GRID2IP: variants seen among roughly 807,000 people sequenced by gnomAD.
GRID2IP encodes Grid2 interacting protein.
A neutral mutation model predicts 114.3 loss-of-function variants in GRID2IP; 78 were observed. The ratio of observed to expected loss-of-function variants is 0.68; its 90% CI spans 0.57 to 0.82. GRID2IP has a LOEUF of 0.82. Among genes scored for constraint, GRID2IP ranks in the 40% least tolerant of loss-of-function variants. The pLI is 0.00. For missense variants in GRID2IP, 1,727 were observed against 1,678.5 expected, an observed-to-expected ratio of 1.03 and a Z score of -0.51; for synonymous variants, 809 against 724.0, an observed-to-expected ratio of 1.12 and a Z score of -1.89.
At chr7:6,544,429 G>A (rs1166175107) in intron 1 of GRID2IP, among the ~76,000 whole-genome samples, 3 of 151,514 alleles carry the variant, frequency 2.0e-5, no homozygotes, top group South Asian at 4.2e-4. Flanking sequence ...ACAGGCACCC[G>A]CCACCACAAC....
In GRID2IP at chr7:6,514,375, C is replaced by T. The variant is rs778275357; in HGVS notation, c.1423G>A (p.Ala475Thr). ...AAGTGGCAGGGGAGAGGACGCTTACCTGTCATGGCCGTGTAGCCCAGGAAG... is the reference window on the plus strand; with the variant it reads ...AAGTGGCAGGGGAGAGGACGCTTACTTGTCATGGCCGTGTAGCCCAGGAAG... ...ACFLGYTAMT[A>T]EPEPELDLES... The change falls in exon 8 of 22, where the codon GCA becomes ACA. Residue 475 changes from alanine to threonine, a missense_variant and splice_region_variant. By Grantham distance (58) the Ala-to-Thr change is moderately conservative. Transcript: ENST00000457091. The T allele has an allele frequency of 6.6e-6, 10 of 1,509,846 alleles. No homozygotes were observed. In the East Asian group the frequency reaches 2.2e-4, roughly 34 times the overall value. 93.5% of individuals were successfully genotyped at this position (1,509,846 alleles called of 1,614,324 possible).
intron 4 of GRID2IP, among the ~76,000 whole-genome samples, chr7:6,525,467 C>G (rs1009254721): frequency 2.6e-5 from 4 of 151,604 alleles, no homozygotes; most frequent in African/African-American, 9.7e-5. Flanking sequence ...ACCAGAAATA[C>G]AAAAAATTAG....
At chr7:6,510,069 A>G (rs979337356) in intron 11 of GRID2IP, among the ~76,000 whole-genome samples, 2 of 151,964 alleles carry the variant, frequency 1.3e-5, no homozygotes, top group African/African-American at 4.8e-5. Flanking sequence ...GGCTCCATTG[A>G]TCCTCCTGCC....
chr7:6,498,321 C>T (rs1786317054), intron 20 of GRID2IP, 93 bp from the exon 21 acceptor site: 4 of 1,272,864 alleles, frequency 3.1e-6, no homozygotes, highest in Non-Finnish European at 3.2e-6. Flanking sequence ...CAGCCCTATT[C>T]CCGGTTGGCC....
intron 2 of GRID2IP, among the ~76,000 whole-genome samples, chr7:6,531,747 G>A (rs1156431443): frequency 1.3e-5 from 2 of 152,216 alleles, no homozygotes; most frequent in Non-Finnish European, 2.9e-5. Flanking sequence ...TCTGGGAAGA[G>A]GAAGGAGCCG....
At chr7:6,517,996 C>T (rs1052920987) in intron 7 of GRID2IP, among the ~76,000 whole-genome samples, 1 of 151,462 alleles carries the variant, frequency 6.6e-6, no homozygotes, top group African/African-American at 2.4e-5. Context: ...CTTTGGAAGG[C>T]TAAAATGGGC....
At chr7:6,541,643 G>GTGGAAACGAGCGTGCAAATGCACACGT (rs1779816762) in intron 1 of GRID2IP, among the ~76,000 whole-genome samples, 1 of 152,096 alleles carries the variant, frequency 6.6e-6, no homozygotes, top group South Asian at 2.1e-4. Flanking sequence ...AATAGACATG[G>GTGGAAACGAGCGTGCAAATGCACACGT]TGGAAACGAG....
rs1779556942 is a variant in GRID2IP, at chr7:6,528,409, ACACAGCTGGCCTGTGG to A, written c.585-1656_585-1641del. Among the ~76,000 whole-genome samples, 1 of 152,194 alleles carries A rather than the reference ACACAGCTGGCCTGTGG, an allele frequency of 6.6e-6. No individual in the cohort carries two copies. Among genetic ancestry groups the A allele is most frequent in the East Asian group, 1.9e-4 (1 of 5,196 alleles). On this transcript the variant is annotated intron_variant, in intron 2 of 21. Coordinates refer to ENST00000457091, the MANE Select transcript of GRID2IP (RefSeq NM_001145118.2). The surrounding 1 kb of genome is among the most constrained non-coding windows in gnomAD (Gnocchi z 6.0). ...AGAGGACCTGTAGCTCTCCACGGTT[ACACAGCTGGCCTGTGG>A]CACAGCTGGCATCAGAGAACAGACT...
chr7:6,504,205 C>G (rs1371463238), intron 15 of GRID2IP, among the ~76,000 whole-genome samples: 3 of 139,570 alleles, frequency 2.1e-5, no homozygotes, highest in Non-Finnish European at 4.6e-5. Context: ...TGGGATTGGC[C>G]GGGGCTACTG....
rs1393447406 is a variant in GRID2IP, at chr7:6,534,364, A to G, written c.584+5354T>C. ...TCCTGTTCCCTCCTGGCCACGTCAC[A>G]CTTTCCAAACTGCCTGGCCTGTCCT... On this transcript the variant is annotated intron_variant, in intron 2 of 21. Coordinates refer to ENST00000457091, the MANE Select transcript of GRID2IP (RefSeq NM_001145118.2). This position sits in a 1 kb window ranked among gnomAD's most constrained non-coding sequence, Gnocchi z 4.5. Among the ~76,000 whole-genome samples the G allele has an allele frequency of 6.6e-6, 1 of 152,098 alleles. No individual in the cohort carries two copies. Among genetic ancestry groups the G allele is most frequent in the East Asian group, 1.9e-4 (1 of 5,194 alleles).
rs192444108 is a variant in GRID2IP at position 6,499,030 on chromosome 7, A to C, written c.3400-802T>G. ...CTGATACATGGTCAGTCTTGCAAAAAGATTCAGTGGCTGAATCGCTATCAT... is the reference window on the plus strand; with the variant it reads ...CTGATACATGGTCAGTCTTGCAAAACGATTCAGTGGCTGAATCGCTATCAT... On this transcript the variant is annotated intron_variant, in intron 20 of 21. Transcript: ENST00000457091. Among the ~76,000 whole-genome samples, 153 of 152,374 alleles carry C rather than the reference A, an allele frequency of 1.0e-3. 4 individuals carry two copies. The highest frequency in any genetic ancestry group is 3.4e-3 in the African/African-American group (141 of 41,588).
chr7:6,526,496 G>A lies in GRID2IP; in HGVS notation c.833+25C>T, dbSNP rs1242405852. Reference sequence around the variant, plus strand: ...GCCCACCCGCAGGGAGGCGCCCGCTGCCAGTGCCTGTGAGCCCCGCGTACC... The same window carrying A: ...GCCCACCCGCAGGGAGGCGCCCGCTACCAGTGCCTGTGAGCCCCGCGTACC... On this transcript the variant is annotated intron_variant, in intron 3 of 21. Transcript: ENST00000457091. This position sits in a 1 kb window ranked among gnomAD's most constrained non-coding sequence, Gnocchi z 7.6. 2.9e-6 allele frequency: 4 copies of A among 1,367,176 alleles called. No homozygotes were observed. Among genetic ancestry groups the A allele is most frequent in the African/African-American group, 1.5e-5 (1 of 66,806 alleles). The allele number at this position is 1,367,176 out of a possible 1,614,324, so 84.7% of individuals were successfully genotyped here.
chr7:6,509,007 C>G lies in GRID2IP; in HGVS notation c.2078G>C (p.Arg693Pro), dbSNP rs1481812221. The G allele has an allele frequency of 6.8e-7, 1 of 1,476,512 alleles. No individual in the cohort carries two copies. Among genetic ancestry groups the G allele is most frequent in the African/African-American group, 1.4e-5 (1 of 70,476 alleles). 91.5% of individuals were successfully genotyped at this position (1,476,512 alleles called of 1,614,324 possible). A position where few individuals can be genotyped will look rare whatever the true frequency, so the allele number is the denominator to read the frequency against. Reference sequence around the variant, plus strand: ...CAGGAAATCATCCACGATGGTGACCCGGGGGCCCAGCTGCTCGCTCAGCAC... The same window carrying G: ...CAGGAAATCATCCACGATGGTGACCGGGGGGCCCAGCTGCTCGCTCAGCAC... The part of the protein sequence containing the change: ...LDVLSEQLGP[R>P]VTIVDDFLTP... The change falls in exon 12 of 22, where the codon CGG (arginine) becomes CCG (proline). Residue 693 changes from arginine to proline, a missense_variant. Transcript: ENST00000457091. This position sits in a 1 kb window ranked among gnomAD's most constrained non-coding sequence, Gnocchi z 4.9.
rs1291517623 is a variant in GRID2IP at position 6,496,850 on chromosome 7, CCCA to C, written c.*921_*923del. The stretch of plus-strand genomic sequence containing the variant: ...ACAGTTCACACACCCTCCCTCCCTG[CCCA>C]CCACGCCACCTGCTCCTGCTCCTGG... On this transcript the variant is annotated 3_prime_UTR_variant, in exon 22 of 22. Coordinates refer to ENST00000457091, the MANE Select transcript of GRID2IP (RefSeq NM_001145118.2). Among the ~76,000 whole-genome samples, 1 of 152,024 alleles carries C rather than the reference CCCA, an allele frequency of 6.6e-6. No individual in the cohort carries two copies. Among genetic ancestry groups the C allele is most frequent in the Non-Finnish European group, 1.5e-5 (1 of 67,998 alleles).
chr7:6,535,468 C>G (rs1198331792), intron 2 of GRID2IP, among the ~76,000 whole-genome samples: 1 of 152,216 alleles, frequency 6.6e-6, no homozygotes, highest in Non-Finnish European at 1.5e-5. Flanking sequence ...GAGGCCACAC[C>G]TCTCTGATTT....
In GRID2IP at chr7:6,502,819, C is replaced by T; in HGVS notation, c.3117G>A (p.Lys1039=). 1.3e-6 allele frequency: 2 copies of T among 1,552,054 alleles called. No individual in the cohort carries two copies. Among genetic ancestry groups the T allele is most frequent in the South Asian group, 1.2e-5 (1 of 84,066 alleles). Residue 1039 remains lysine (K), a synonymous_variant, in exon 18 of 22, where the codon AAG becomes AAA. Transcript: ENST00000457091. ...YLNDGQPKTN[K]TTGFKINFLT... ...GAAAGTTGATCTTGAAGCCCGTAGT[C>T]TTGTTGGTTTTGGGCTGTCCATCGT...
intron 1 of GRID2IP, among the ~76,000 whole-genome samples, chr7:6,550,533 G>A (rs575881233): frequency 4.9e-4 from 74 of 151,860 alleles, no homozygotes; most frequent in African/African-American, 1.5e-3. Flanking sequence ...AAATTAGGCC[G>A]GGCGCAGTGG....
intron 7 of GRID2IP, among the ~76,000 whole-genome samples, chr7:6,514,930 A>G (rs1296884263): frequency 1.4e-5 from 2 of 147,666 alleles, no homozygotes; most frequent in Non-Finnish European, 3.0e-5. Flanking sequence ...CCAGCCTGGG[A>G]GACAGAGTGA....
At chr7:6,531,670 C>A (rs1779628708) in intron 2 of GRID2IP, among the ~76,000 whole-genome samples, 1 of 152,204 alleles carries the variant, frequency 6.6e-6, no homozygotes. Flanking sequence ...GGCTAATTAT[C>A]GGCTGTGGCC....
Sources: gnomAD v4.1 joint callset for allele counts (sites outside exome capture counted in the v4.1 genomes callset) on GRCh38, gnomAD v4.1.1 for gene constraint, Gnocchi (gnomAD v3.1) non-coding constraint, MANE v1.5 for transcripts, NCBI Gene and HGNC (gene_info 2026-07-23, HGNC 2026-07-21) for gene names.